Variants in ADAMTSL3 observed in about 807,000 individuals in gnomAD.
The protein encoded by ADAMTSL3 is ADAMTS like 3, also known as ADAMTS-like protein 3.
Under a neutral mutation model 201.7 loss-of-function variants are expected in ADAMTSL3, and 128 were observed. That is an observed-to-expected ratio of 0.63 (90% CI 0.55 to 0.73). The LOEUF is 0.73. Ranked by LOEUF, ADAMTSL3 falls within the 30% of genes least tolerant of loss-of-function variation. The probability of loss-of-function intolerance (pLI) is 0.00; values close to 1 mark genes in which losing one functional copy is unlikely to be tolerated. For missense variants in ADAMTSL3, 1,990 were observed against 2,119.6 expected (o/e 0.94, Z 1.20); for synonymous variants, 738 against 748.4 (o/e 0.99, Z 0.23).
chr15:83,824,101 CA>C (rs1190473888), intron 6 of ADAMTSL3, among the ~76,000 whole-genome samples: 1 of 150,918 alleles, frequency 6.6e-6, no homozygotes, highest in African/African-American at 2.4e-5. Context: ...TGGAATACAG[CA>C]ACATGATCAT....
At position 83,983,119 on chromosome 15, in the gene ADAMTSL3, C is replaced by T. The variant is rs1328042968; in HGVS notation, c.3491C>T (p.Ala1164Val). 6.2e-7 allele frequency: 1 copy of T among 1,612,956 alleles called. No homozygotes were observed. The highest frequency in any genetic ancestry group is 8.5e-7 in the Non-Finnish European group (1 of 1,179,728). Reference sequence around the variant, plus strand: ...GGGAGTGTGTCCCAAAGCTCGCATGCAAAAAACTCAGGCAAGCTGACATTC... The same window carrying T: ...GGGAGTGTGTCCCAAAGCTCGCATGTAAAAAACTCAGGCAAGCTGACATTC... ...ETGSVSQSSHAKNSGKLTFKP... is the reference protein window; with the variant it reads ...ETGSVSQSSHVKNSGKLTFKP... The change falls in exon 21 of 30, where the codon GCA becomes GTA. Residue 1164 changes from alanine (A) to valine (V), a missense_variant. Ala to Val is a moderately conservative substitution (Grantham distance 64). Coordinates refer to ENST00000286744, the MANE Select transcript of ADAMTSL3 (RefSeq NM_207517.3).
chr15:83,912,883 G>C (rs1443534600), intron 15 of ADAMTSL3, among the ~76,000 whole-genome samples: 1 of 152,182 alleles, frequency 6.6e-6, no homozygotes, highest in East Asian at 1.9e-4. Flanking sequence ...ATATAGTTTA[G>C]TGAATTACTC....
At position 83,801,659 on chromosome 15, in the gene ADAMTSL3, T is replaced by A. The variant is rs1195527503; in HGVS notation, c.318-2991T>A. ...ATAAATATATAAATATAAATATATA[T>A]ATATATATATATATATATATATATA... is the stretch of plus-strand genomic sequence containing the variant. On this transcript the variant is annotated intron_variant, in intron 4 of 29. Transcript: ENST00000286744. Among the ~76,000 whole-genome samples the A allele has an allele frequency of 3.4e-3, 137 of 39,806 alleles. 7 individuals carry two copies. Among genetic ancestry groups the A allele is most frequent in the African/African-American group, 0.012 (126 of 10,700 alleles). The allele number at this position is 39,806 out of a possible 152,430, so 26.1% of individuals were successfully genotyped here.
At chr15:83,770,081 G>A (rs910778462) in intron 3 of ADAMTSL3, among the ~76,000 whole-genome samples, 1 of 152,050 alleles carries the variant, frequency 6.6e-6, no homozygotes, top group Admixed American at 6.6e-5. Flanking sequence ...ACAAAAATAC[G>A]TTAAAGTCAC....
At chr15:83,730,645 G>A (rs1236200684) in intron 3 of ADAMTSL3, among the ~76,000 whole-genome samples, 3 of 151,296 alleles carry the variant, frequency 2.0e-5, no homozygotes, top group African/African-American at 7.3e-5. Context: ...CTTTTCAGTT[G>A]TGTGAATTTC....
chr15:83,775,160 G>A (rs1030588568), intron 4 of ADAMTSL3, among the ~76,000 whole-genome samples: 3 of 152,080 alleles, frequency 2.0e-5, no homozygotes, highest in African/African-American at 7.2e-5. Context: ...GGCTTCTTAT[G>A]TCAAGGGTGA....
chr15:83,913,189 A>G lies in ADAMTSL3; in HGVS notation c.1798A>G (p.Thr600Ala). ...CCGTGTGCTCCTCACATTCACGCAG[A>G]CTGAGACTGAGCTGCCCGAGGAAGA... ...KCRVLLTFTQ[T>A]ETELPEEECE... The change falls in exon 16 of 30, where the codon ACT (threonine) becomes GCT (alanine). Residue 600 changes from threonine (T) to alanine (A), a missense_variant. Coordinates refer to ENST00000286744, the MANE Select transcript of ADAMTSL3 (RefSeq NM_207517.3). 2 of 1,614,158 alleles carry G rather than the reference A, an allele frequency of 1.2e-6. No homozygotes were observed. Among genetic ancestry groups the G allele is most frequent in the Non-Finnish European group, 1.7e-6 (2 of 1,180,016 alleles).
Position 83,738,902 on chromosome 15 carries a change from C to CA in ADAMTSL3, c.189+34402dup, listed in dbSNP as rs1198428562. Among the ~76,000 whole-genome samples, 7 of 144,706 alleles carry CA rather than the reference C, an allele frequency of 4.8e-5. No homozygotes were observed. In the South Asian group the frequency reaches 8.7e-4, roughly 18 times the overall value. 94.9% of individuals were successfully genotyped at this position (144,706 alleles called of 152,430 possible). Reference sequence around the variant, plus strand: ...TGGAGCAAGACTCCATATCAAAAACCAAAAAAAATGAAGAATGAAATTAGT... The same window carrying CA: ...TGGAGCAAGACTCCATATCAAAAACCAAAAAAAAATGAAGAATGAAATTAGT... On this transcript the variant is annotated intron_variant, in intron 3 of 29. Coordinates refer to ENST00000286744, the MANE Select transcript of ADAMTSL3 (RefSeq NM_207517.3).
intron 3 of ADAMTSL3, among the ~76,000 whole-genome samples, chr15:83,753,115 GC>G (rs2062664540): frequency 6.6e-6 from 1 of 152,174 alleles, no homozygotes; most frequent in South Asian, 2.1e-4. Flanking sequence ...TTCTAACTTT[GC>G]TTGACCTGCA....
chr15:83,697,642 A>G (rs995302537), intron 2 of ADAMTSL3, among the ~76,000 whole-genome samples: 5 of 152,220 alleles, frequency 3.3e-5, no homozygotes, highest in Admixed American at 1.3e-4. Flanking sequence ...AGAGATACGT[A>G]GGGTGAGGTC....
intron 2 of ADAMTSL3, among the ~76,000 whole-genome samples, chr15:83,692,641 G>A (rs545614429): frequency 2.1e-5 from 3 of 144,612 alleles, no homozygotes; most frequent in African/African-American, 5.2e-5. Context: ...AGCTGAGATC[G>A]CGCCACTGCA....
At chr15:83,962,509 C>T (rs1476063532) in intron 19 of ADAMTSL3, 1 of 152,156 alleles carries the variant, frequency 6.6e-6, no homozygotes, top group Non-Finnish European at 1.5e-5. Context: ...CATTCAACAA[C>T]TCTAATTTTA....
chr15:83,759,350 C>T (rs975086911), intron 3 of ADAMTSL3, among the ~76,000 whole-genome samples: 11 of 151,916 alleles, frequency 7.2e-5, no homozygotes, highest in Non-Finnish European at 1.3e-4. Flanking sequence ...CTCAGCCTCC[C>T]GAGTAGCTGG....
At chr15:83,675,016 G>T (rs1459840861) in intron 2 of ADAMTSL3, among the ~76,000 whole-genome samples, 1 of 151,646 alleles carries the variant, frequency 6.6e-6, no homozygotes, top group Non-Finnish European at 1.5e-5. Context: ...GGTAAATGGT[G>T]GTGGGTTTTT....
chr15:83,782,267 A>G lies in ADAMTSL3; in HGVS notation c.317+8617A>G, dbSNP rs562789983. 7.9e-5 allele frequency among the ~76,000 whole-genome samples: 12 copies of G among 152,240 alleles called. No individual in the cohort carries two copies. In the South Asian group the frequency reaches 1.2e-3, roughly 16 times the overall value. On this transcript the variant is annotated intron_variant, in intron 4 of 29. Transcript: ENST00000286744. Reference sequence around the variant, plus strand: ...TGAGGTGGGTGGATCACTTGAGGTCAGGAGTTCCAGACCAGCCCGGCAAAC... The same window carrying G: ...TGAGGTGGGTGGATCACTTGAGGTCGGGAGTTCCAGACCAGCCCGGCAAAC...
chr15:83,801,651 A>ATATATATATATATATAT (rs2063518564), intron 4 of ADAMTSL3, among the ~76,000 whole-genome samples: 2 of 31,282 alleles, frequency 6.4e-5, no homozygotes, highest in Non-Finnish European at 1.3e-4. Flanking sequence ...TATAAATATA[A>ATATATATATATATATAT]ATATATATAT....
In ADAMTSL3 at chr15:83,707,022, A is replaced by C. The variant is rs562109159; in HGVS notation, c.189+2514A>C. On this transcript the variant is annotated intron_variant, in intron 3 of 29. Transcript: ENST00000286744. Reference sequence around the variant, plus strand: ...GCTTCTCAGGCACTGGGGAAAGGATAAAACCAATCAAATACTATCAAACTT... The same window carrying C: ...GCTTCTCAGGCACTGGGGAAAGGATCAAACCAATCAAATACTATCAAACTT... Among the ~76,000 whole-genome samples the C allele has an allele frequency of 2.6e-4, 39 of 152,280 alleles. 2 individuals carry two copies. Among genetic ancestry groups the C allele is most frequent in the Non-Finnish European group, 8.8e-5 (6 of 68,028 alleles).
chr15:83,722,337 A>G (rs528914242), intron 3 of ADAMTSL3, among the ~76,000 whole-genome samples: 9 of 152,200 alleles, frequency 5.9e-5, no homozygotes, highest in Non-Finnish European at 7.3e-5. Flanking sequence ...GAAGAGAGGA[A>G]ATTCAGTCAG....
intron 7 of ADAMTSL3, among the ~76,000 whole-genome samples, chr15:83,844,093 G>C (rs2064442667): frequency 6.6e-6 from 1 of 152,188 alleles, no homozygotes; most frequent in African/African-American, 2.4e-5. Context: ...TCCACATCAG[G>C]GCACACGTGT....
Sources: allele counts gnomAD v4.1 joint callset (sites outside exome capture counted in the v4.1 genomes callset), GRCh38; gene constraint gnomAD v4.1.1; transcripts MANE v1.5; gene names NCBI Gene and HGNC (gene_info 2026-07-23, HGNC 2026-07-21).